The following TEX14 variants were observed in gnomAD, a reference collection of about 807,000 sequenced individuals.
The protein encoded by TEX14 is inactive serine/threonine-protein kinase TEX14.
Under a neutral mutation model 178.6 loss-of-function variants are expected in TEX14, and 168 were observed. That is an observed-to-expected ratio of 0.94 (90% confidence interval 0.83 to 1.07). The LOEUF is 1.07. Among genes scored for constraint, TEX14 ranks in the 50% least tolerant of loss-of-function variants. The pLI is 0.00. For missense variants in TEX14, 1,730 were observed against 1,753.6 expected (o/e 0.99, Z 0.24); for synonymous variants, 626 against 634.1 (o/e 0.99, Z 0.19).
At chr17:58,651,254 C>T (rs1290709719) in intron 2 of TEX14, among the ~76,000 whole-genome samples, 1 of 152,060 alleles carries the variant, frequency 6.6e-6, no homozygotes, top group East Asian at 1.9e-4. Flanking sequence ...CTGCATTTGG[C>T]AACAGAGTGA....
At chr17:58,590,259 CA>C (rs35100175) in intron 15 of TEX14, among the ~76,000 whole-genome samples, 37,672 of 93,274 alleles carry the variant, frequency 0.4, 5,285 homozygotes, top group Middle Eastern at 0.43. Context: ...GACTCTGTGT[CA>C]AAAAAAAAAA....
chr17:58,665,812 G>A (rs891235726), intron 1 of TEX14, among the ~76,000 whole-genome samples: 2 of 152,020 alleles, frequency 1.3e-5, no homozygotes, highest in East Asian at 1.9e-4. Flanking sequence ...TTGGGAGGCC[G>A]AGGAGGGTGG....
rs748161955 is a variant in TEX14, at chr17:58,599,173, C to T, written c.2172G>A (p.Glu724=). ...SNLNNMSTTE[E]YLISKCVLDL... is the part of the protein sequence containing the mutation. ...CCAGCACACACTTACTGATGAGATACTCCTCAGTCGTGGACATGTTGTTCA... is the reference window on the plus strand; with the variant it reads ...CCAGCACACACTTACTGATGAGATATTCCTCAGTCGTGGACATGTTGTTCA... The change falls in exon 14 of 32, where the codon GAG becomes GAA. Residue 724 remains glutamate (E), a synonymous_variant. Coordinates refer to ENST00000349033, the MANE Select transcript of TEX14 (RefSeq NM_031272.5). 5 of 1,614,152 alleles carry T rather than the reference C, an allele frequency of 3.1e-6. No individual in the cohort carries two copies. In the Admixed American group the frequency reaches 8.3e-5, roughly 27 times the overall value.
chr17:58,598,586 G>T (rs2045349640), intron 14 of TEX14, among the ~76,000 whole-genome samples: 4 of 152,202 alleles, frequency 2.6e-5, no homozygotes, highest in African/African-American at 9.7e-5. Flanking sequence ...GAGACAGAGA[G>T]TATCTACGTT....
At chr17:58,669,382 G>T (rs1340060347) in intron 1 of TEX14, among the ~76,000 whole-genome samples, 1 of 151,480 alleles carries the variant, frequency 6.6e-6, no homozygotes. Flanking sequence ...ACAGGAGGGG[G>T]TGTGGAGAGG....
chr17:58,570,384 C>A lies in TEX14; in HGVS notation c.3817+1G>T. ...CTATTTTGATATTAAACACAGGGTA[C>A]CTTTAGGCAGGCTCCTTCTCTGGGT... On this transcript the variant is annotated splice_donor_variant, in intron 25 of 31. Coordinates refer to ENST00000349033, the MANE Select transcript of TEX14 (RefSeq NM_031272.5). LOFTEE classifies it high-confidence loss of function. The A allele has an allele frequency of 6.6e-7, 1 of 1,506,466 alleles. No homozygotes were observed. Among genetic ancestry groups the A allele is most frequent in the Non-Finnish European group, 8.8e-7 (1 of 1,139,188 alleles). 93.3% of individuals were successfully genotyped at this position (1,506,466 alleles called of 1,614,324 possible).
Position 58,577,213 on chromosome 17 carries a change from T to C in TEX14, c.3320+162A>G, listed in dbSNP as rs1279396149. On this transcript the variant is annotated intron_variant, in intron 21 of 31. Transcript: ENST00000349033. ...AAGGTGATGACTCAATCCCTCAAAT[T>C]CTACTGCACAAGTCCTAACACAGCT... Among the ~76,000 whole-genome samples, 3 of 152,160 alleles carry C rather than the reference T, an allele frequency of 2.0e-5. No homozygotes were observed. The East Asian group carries it at 5.8e-4, about 29-fold the overall frequency.
At chr17:58,625,336 T>A (rs969012033) in intron 3 of TEX14, among the ~76,000 whole-genome samples, 1 of 152,154 alleles carries the variant, frequency 6.6e-6, no homozygotes, top group African/African-American at 2.4e-5. Context: ...AGTTTCATCA[T>A]GTTGGCCAGG....
rs567058096 is a variant in TEX14 at position 58,605,298 on chromosome 17, G to A, written c.1185-169C>T. On this transcript the variant is annotated intron_variant, in intron 10 of 31. Transcript: ENST00000349033. Reference sequence around the variant, plus strand: ...CCTCTGCCACCTCCCGGGTTCAAGCGATTCTCCTGCCTCAGCCTCCCAAGT... The same window carrying A: ...CCTCTGCCACCTCCCGGGTTCAAGCAATTCTCCTGCCTCAGCCTCCCAAGT... 3.3e-5 allele frequency among the ~76,000 whole-genome samples: 5 copies of A among 152,252 alleles called. No individual in the cohort carries two copies. The East Asian group carries it at 5.8e-4, about 18-fold the overall frequency.
In TEX14 at chr17:58,559,520, T is replaced by C. The variant is rs1458254045; in HGVS notation, c.4200A>G (p.Arg1400=). The change falls in exon 30 of 32, where the codon AGA becomes AGG. Residue 1400 remains arginine, a synonymous_variant. Transcript: ENST00000349033. ...IKDQKVGEEK[R]KREDSITPER... Reference sequence around the variant, plus strand: ...CTGGTGTAATGCTATCTTCCCTTTTTCTTTTCTCTTCACCAACTTTTTGAT... The same window carrying C: ...CTGGTGTAATGCTATCTTCCCTTTTCCTTTTCTCTTCACCAACTTTTTGAT... 2 of 1,579,782 alleles carry C rather than the reference T, an allele frequency of 1.3e-6. No individual in the cohort carries two copies. Among genetic ancestry groups the C allele is most frequent in the African/African-American group, 1.4e-5 (1 of 73,848 alleles).
chr17:58,669,938 T>C (rs907748350), intron 1 of TEX14, among the ~76,000 whole-genome samples: 2 of 152,280 alleles, frequency 1.3e-5, no homozygotes, highest in East Asian at 1.9e-4. Context: ...CCCACGCTCC[T>C]TGAGGCTCTG....
chr17:58,570,574 T>C, intron 24 of TEX14, 90 bp from the exon 25 acceptor site: 1 of 842,156 alleles, frequency 1.2e-6, no homozygotes, highest in Non-Finnish European at 1.8e-6. Flanking sequence ...TTTTGTTGAT[T>C]AAGTCAAACT....
chr17:58,562,107 A>G (rs2044285560), intron 28 of TEX14, among the ~76,000 whole-genome samples: 1 of 152,056 alleles, frequency 6.6e-6, no homozygotes, highest in Non-Finnish European at 1.5e-5. Context: ...GAAAGAAAGA[A>G]AGAAGAAATA....
rs148706209 is a variant in TEX14, at chr17:58,561,624, C to T, written c.4065-12G>A. ...GAGTAGAGTGAGCTCTGTTTAAGGA[C>T]AAGTGAAGAGAATGGAGACAACAGT... is the stretch of plus-strand genomic sequence containing the variant. On this transcript the variant is annotated splice_polypyrimidine_tract_variant and intron_variant, in intron 28 of 31. Coordinates refer to ENST00000349033, the MANE Select transcript of TEX14 (RefSeq NM_031272.5). The T allele has an allele frequency of 7.6e-6, 12 of 1,586,218 alleles. No individual in the cohort carries two copies. The South Asian group carries it at 8.8e-5, about 12-fold the overall frequency.
chr17:58,578,446 C>A (rs1009938940), intron 20 of TEX14, among the ~76,000 whole-genome samples: 8 of 152,228 alleles, frequency 5.3e-5, no homozygotes, highest in Admixed American at 3.3e-4. Flanking sequence ...GTCTTGGAAC[C>A]TAGCATGCTG....
chr17:58,585,587 G>A (rs1461077189), intron 18 of TEX14, among the ~76,000 whole-genome samples: 17 of 149,332 alleles, frequency 1.1e-4, no homozygotes, highest in African/African-American at 3.7e-4. Context: ...AACTAGAGGC[G>A]TGTGCCACCA....
intron 1 of TEX14, among the ~76,000 whole-genome samples, chr17:58,655,383 C>T (rs35732484): frequency 0.19 from 28,156 of 151,834 alleles, 2,804 homozygotes; most frequent in Non-Finnish European, 0.21. Flanking sequence ...GGGTTCTCAC[C>T]ATGTTGGCCA....
At chr17:58,612,939 C>T (rs942976321) in intron 9 of TEX14, among the ~76,000 whole-genome samples, 65 of 151,536 alleles carry the variant, frequency 4.3e-4, no homozygotes, top group African/African-American at 1.5e-3. Flanking sequence ...CAGTGGCTCA[C>T]GCCTGCAATC....
At chr17:58,576,087 G>C (rs9893027) in intron 21 of TEX14, among the ~76,000 whole-genome samples, 22,183 of 152,150 alleles carry the variant, frequency 0.15, 2,503 homozygotes, top group East Asian at 0.31. Flanking sequence ...GGCCCAGAGA[G>C]AATAAAATAA....
Sources: gnomAD v4.1 joint callset for allele counts (sites outside exome capture counted in the v4.1 genomes callset) on GRCh38, gnomAD v4.1.1 for gene constraint, MANE v1.5 for transcripts, NCBI Gene and HGNC (gene_info 2026-07-23, HGNC 2026-07-21) for gene names.